Variants in PODNL1 observed in about 807,000 individuals in gnomAD.
PODNL1 encodes the protein podocan like 1, also known as podocan-like protein 1.
In PODNL1, 50 loss-of-function variants were observed where a neutral mutation model predicts 45.1. The observed-to-expected ratio is 1.11, with a 90% CI of 0.88 to 1.40. PODNL1 has a LOEUF of 1.40. Ranked by LOEUF, PODNL1 falls within the 40% of genes most tolerant of loss-of-function variation. The probability of loss-of-function intolerance (pLI) is 0.00; values close to 1 mark genes in which losing one functional copy is unlikely to be tolerated. For missense variants in PODNL1, 788 were observed against 793.3 expected, an observed-to-expected ratio of 0.99 and a Z score of 0.08; for synonymous variants, 406 against 372.5, an observed-to-expected ratio of 1.09 and a Z score of -1.04.
upstream of PODNL1, among the ~76,000 whole-genome samples, chr19:13,942,613 A>G (rs1972690267): frequency 2.0e-5 from 3 of 152,204 alleles, 1 homozygote; most frequent in South Asian, 6.2e-4. Context: ...ACAATGGAGT[A>G]TGGTCCATCA....
At chr19:13,949,868 A>T (rs1568445366) in intron 1 of PODNL1, among the ~76,000 whole-genome samples, 1 of 143,868 alleles carries the variant, frequency 7.0e-6, no homozygotes, top group African/African-American at 2.6e-5. Context: ...TAAATTATTT[A>T]TTTATTTTTT....
Position 13,938,393 on chromosome 19 carries a change from T to A in PODNL1, c.-212A>T, listed in dbSNP as rs1457100941. The A allele has an allele frequency of 5.7e-6, 8 of 1,394,102 alleles. No individual in the cohort carries two copies. In the African/African-American group the frequency reaches 1.0e-4, roughly 18 times the overall value. The allele number at this position is 1,394,102 out of a possible 1,614,324, so 86.4% of individuals were successfully genotyped here. On this transcript the variant is annotated 5_prime_UTR_variant, in exon 1 of 10. Coordinates refer to ENST00000588872, the MANE Select transcript of PODNL1 (RefSeq NM_001370095.3). ...TGGGGAGGACGGGCAGGCGGCCGGATGGGGTGGTGAGGACAGGCCAGCCCG... is the reference window on the plus strand; with the variant it reads ...TGGGGAGGACGGGCAGGCGGCCGGAAGGGGTGGTGAGGACAGGCCAGCCCG...
At chr19:13,945,987 G>C (rs1972803623) in intron 1 of PODNL1, among the ~76,000 whole-genome samples, 1 of 151,958 alleles carries the variant, frequency 6.6e-6, no homozygotes, top group African/African-American at 2.4e-5. Flanking sequence ...CTTGAGCCTG[G>C]GTGGAGTGCC....
chr19:13,937,729 C>T, intron 2 of PODNL1, 56 bp downstream of exon 2: 1 of 1,498,900 alleles, frequency 6.7e-7, no homozygotes, highest in Non-Finnish European at 9.1e-7. Context: ...CCCTCCAGCT[C>T]CCCTCACCAC....
rs200090191 is a variant in PODNL1 at position 13,934,438 on chromosome 19, G to T, written c.495-28C>A. ...GAGGAGAGCCAGGCTCCGGCCACCA[G>T]CCTGCCCCTCGCCTCCTACCACCCC... On this transcript the variant is annotated intron_variant, in intron 5 of 9. Coordinates refer to ENST00000588872, the MANE Select transcript of PODNL1 (RefSeq NM_001370095.3). 51 of 1,473,520 alleles carry T rather than the reference G, an allele frequency of 3.5e-5. No homozygotes were observed. The African/African-American group carries it at 6.3e-4, about 18-fold the overall frequency. The allele number at this position is 1,473,520 out of a possible 1,614,324, so 91.3% of individuals were successfully genotyped here.
At chr19:13,936,228 G>A in intron 3 of PODNL1, 139 bp downstream of exon 3, 1 of 1,006,514 alleles carries the variant, frequency 9.9e-7, no homozygotes, top group Non-Finnish European at 1.5e-6. Flanking sequence ...CAGCTCCTGA[G>A]TTTCCATCCT....
chr19:13,946,209 A>C (rs960542798), intron 1 of PODNL1, among the ~76,000 whole-genome samples: 1 of 152,018 alleles, frequency 6.6e-6, no homozygotes, highest in Non-Finnish European at 1.5e-5. Context: ...AGGTGGGCGG[A>C]TCACGAGGTA....
At chr19:13,949,015 C>CG (rs1972918399) in intron 1 of PODNL1, among the ~76,000 whole-genome samples, 1 of 151,426 alleles carries the variant, frequency 6.6e-6, no homozygotes, top group Non-Finnish European at 1.5e-5. Flanking sequence ...TTTATTGACA[C>CG]AGAGTCACGC....
intron 1 of PODNL1, among the ~76,000 whole-genome samples, chr19:13,948,089 G>T (rs1258376341): frequency 6.6e-6 from 1 of 152,062 alleles, no homozygotes; most frequent in South Asian, 2.1e-4. Flanking sequence ...GATCAAGGGA[G>T]ACTTTAAGCA....
Position 13,931,890 on chromosome 19 carries a change from G to A in PODNL1, c.1575-3C>T. 8.1e-7 allele frequency: 1 copy of A among 1,232,070 alleles called. No individual in the cohort carries two copies. Among genetic ancestry groups the A allele is most frequent in the Non-Finnish European group, 1.0e-6 (1 of 987,962 alleles). The allele number at this position is 1,232,070 out of a possible 1,614,324, so 76.3% of individuals were successfully genotyped here. A position where few individuals can be genotyped will look rare whatever the true frequency, so the allele number is the denominator to read the frequency against. ...TCGTCATGTGAAGCCTGTTGGCCCT[G>A]CACAGAGAGGCGGTCATGACCCTCC... On this transcript the variant is annotated splice_region_variant and splice_polypyrimidine_tract_variant and intron_variant, in intron 9 of 9. Coordinates refer to ENST00000588872, the MANE Select transcript of PODNL1 (RefSeq NM_001370095.3).
chr19:13,942,830 CA>C (rs953612585), upstream of PODNL1, among the ~76,000 whole-genome samples: 11 of 146,990 alleles, frequency 7.5e-5, no homozygotes, highest in Non-Finnish European at 1.5e-4. Context: ...CTAAAAAATA[CA>C]AAAAAAAACA....
At position 13,938,371 on chromosome 19, in the gene PODNL1, G is replaced by A. The variant is rs1972523818; in HGVS notation, c.-190C>T. On this transcript the variant is annotated 5_prime_UTR_variant, in exon 1 of 10. Transcript: ENST00000588872. ...TGGCCCACCCCCTTCCCCGCCCTGG[G>A]GAGGACGGGCAGGCGGCCGGATGGG... The A allele has an allele frequency of 2.9e-6, 4 of 1,398,890 alleles. No homozygotes were observed. The highest frequency in any genetic ancestry group is 2.8e-6 in the Non-Finnish European group (3 of 1,075,982). 86.7% of individuals were successfully genotyped at this position (1,398,890 alleles called of 1,614,324 possible).
chr19:13,952,794 G>C, intron 1 of PODNL1: 1 of 1,272,546 alleles, frequency 7.9e-7, no homozygotes, highest in Non-Finnish European at 1.0e-6. Flanking sequence ...GGGGCCCGGG[G>C]GAGATGGCTT....
chr19:13,943,761 C>T (rs971666584), intron 1 of PODNL1, among the ~76,000 whole-genome samples: 4 of 151,356 alleles, frequency 2.6e-5, no homozygotes, highest in African/African-American at 7.3e-5. Flanking sequence ...CGCGCCCAGC[C>T]TCTCCTCTCC....
At chr19:13,952,572 C>T (rs1369191990) in intron 1 of PODNL1, 15 of 1,264,356 alleles carry the variant, frequency 1.2e-5, no homozygotes, top group Non-Finnish European at 1.5e-5. Flanking sequence ...GCGGCGGCCC[C>T]GGGGGAGCCG....
Position 13,933,102 on chromosome 19 carries a change from G to A in PODNL1, c.1121C>T (p.Thr374Ile), listed in dbSNP as rs1330269466. Residue 374 changes from threonine to isoleucine, a missense_variant, in exon 8 of 10, where the codon ACA becomes ATA. Around this residue, in one of 3 missense-constraint regions of PODNL1, gnomAD observed 762 missense variants for 750.9 expected, o/e 1.01. Coordinates refer to ENST00000588872, the MANE Select transcript of PODNL1 (RefSeq NM_001370095.3). This position sits in a 1 kb window ranked among gnomAD's most constrained non-coding sequence, Gnocchi z 5.2. The part of the protein sequence containing the change: ...AALGARDLVA[T>I]PGLTELNLAY... The stretch of plus-strand genomic sequence containing the variant: ...CAGGTTAAGCTCCGTCAGGCCCGGT[G>A]TGGCGACCAGGTCACGGGCACCCAG... 3.3e-6 allele frequency: 5 copies of A among 1,529,722 alleles called. No individual in the cohort carries two copies. In the African/African-American group the frequency reaches 4.1e-5, roughly 13 times the overall value. The allele number at this position is 1,529,722 out of a possible 1,614,324, so 94.8% of individuals were successfully genotyped here.
At chr19:13,939,893 T>G (rs1396909625), upstream of PODNL1, 1 of 144,542 alleles carries the variant, frequency 6.9e-6, no homozygotes, top group East Asian at 1.9e-4. Flanking sequence ...TAATAATAAC[T>G]AACCTGGTAT....
rs1222064115 is a variant in PODNL1, at chr19:13,937,909, G to A, written c.101C>T (p.Pro34Leu). 1 of 1,563,120 alleles carries A rather than the reference G, an allele frequency of 6.4e-7. No individual in the cohort carries two copies. The change falls in exon 2 of 10, where the codon CCC becomes CTC. Residue 34 changes from proline to leucine, a missense_variant. This residue lies in a region of PODNL1 where 762 missense variants were observed against 750.9 expected (regional missense o/e 1.01). Coordinates refer to ENST00000588872, the MANE Select transcript of PODNL1 (RefSeq NM_001370095.3). ...AFPHLGESLQ[P>L]LPRACPLRCS... ...GCGCAGGGGACAGGCCCGGGGCAGG[G>A]GCTGCAAGCTCTCCCCCAGGTGGGG...
At chr19:13,946,884 C>A (rs551832568) in intron 1 of PODNL1, among the ~76,000 whole-genome samples, 120 of 151,748 alleles carry the variant, frequency 7.9e-4, no homozygotes, top group Non-Finnish European at 1.6e-3. Context: ...AACCCCTTCT[C>A]TACTAAAAAC....
Sources: allele counts gnomAD v4.1 joint callset (sites outside exome capture counted in the v4.1 genomes callset), GRCh38; gene constraint gnomAD v4.1.1; regional missense constraint gnomAD v4.1.1; non-coding constraint Gnocchi (gnomAD v3.1); transcripts MANE v1.5; gene names NCBI Gene and HGNC (gene_info 2026-07-23, HGNC 2026-07-21).